The following MAGI2 variants were observed in gnomAD, a reference collection of about 807,000 sequenced individuals.
MAGI2 encodes membrane-associated guanylate kinase, WW and PDZ domain-containing protein 2.
MAGI2 carries 35 observed loss-of-function variants against 133.3 expected under a neutral mutation model. That is an observed-to-expected ratio of 0.26 (90% CI 0.20 to 0.35). MAGI2 has a LOEUF of 0.35. Ranked by LOEUF, MAGI2 falls within the 10% of genes least tolerant of loss-of-function variation. The pLI is 1.00. For synonymous variants in MAGI2, 729 were observed against 710.6 expected (o/e 1.03, Z -0.41); for missense variants, 1,636 against 1,863.4 (o/e 0.88, Z 2.25).
intron 21 of MAGI2, among the ~76,000 whole-genome samples, chr7:78,053,757 T>A (rs1052459290): frequency 1.3e-5 from 2 of 152,160 alleles, no homozygotes; most frequent in African/African-American, 4.8e-5. Flanking sequence ...TAAGGAACGA[T>A]CAGGTAGAGA....
intron 21 of MAGI2, among the ~76,000 whole-genome samples, chr7:78,032,552 C>T (rs980287546): frequency 6.6e-6 from 1 of 152,136 alleles, no homozygotes; most frequent in African/African-American, 2.4e-5. Context: ...TTGTGTTGTA[C>T]AGGTCTATGC....
chr7:78,207,042 A>AT (rs1787172030), intron 10 of MAGI2, among the ~76,000 whole-genome samples: 1 of 152,214 alleles, frequency 6.6e-6, no homozygotes. Context: ...CCACAATTAA[A>AT]TTTTTTTCAA....
intron 6 of MAGI2, among the ~76,000 whole-genome samples, chr7:78,409,572 A>C (rs527765891): frequency 1.3e-5 from 2 of 152,238 alleles, no homozygotes; most frequent in African/African-American, 4.8e-5. Context: ...TTTACTCTTG[A>C]ACAAAGACCT....
intron 9 of MAGI2, among the ~76,000 whole-genome samples, chr7:78,308,865 T>C (rs1287460648): frequency 2.6e-5 from 4 of 152,218 alleles, no homozygotes; most frequent in Non-Finnish European, 4.4e-5. Flanking sequence ...TAATACATAG[T>C]TTATCTGGTA....
intron 1 of MAGI2, among the ~76,000 whole-genome samples, chr7:79,393,062 A>T (rs573071066): frequency 3.3e-5 from 5 of 152,228 alleles, no homozygotes; most frequent in African/African-American, 1.2e-4. Context: ...TTCAGCCTTT[A>T]TTCTCCACTA....
intron 9 of MAGI2, among the ~76,000 whole-genome samples, chr7:78,293,744 A>C (rs540025283): frequency 8.5e-5 from 13 of 152,346 alleles, no homozygotes; most frequent in African/African-American, 2.9e-4. Flanking sequence ...ACCATGGAAT[A>C]CTATGCAGCC....
intron 9 of MAGI2, among the ~76,000 whole-genome samples, chr7:78,319,567 C>G (rs1787782282): frequency 6.6e-6 from 1 of 152,208 alleles, no homozygotes; most frequent in Admixed American, 6.5e-5. Context: ...TAAAGATGTT[C>G]TTTGAAACCA....
At chr7:78,785,072 C>T (rs1366610403) in intron 2 of MAGI2, among the ~76,000 whole-genome samples, 1 of 152,136 alleles carries the variant, frequency 6.6e-6, no homozygotes, top group Non-Finnish European at 1.5e-5. Context: ...GTCCTTATAA[C>T]TATATGTTCA....
intron 6 of MAGI2, among the ~76,000 whole-genome samples, chr7:78,440,280 A>G (rs995634950): frequency 1.3e-5 from 2 of 152,084 alleles, no homozygotes; most frequent in African/African-American, 2.4e-5. Flanking sequence ...TTCATTTTCC[A>G]CATTTTACAA....
chr7:78,497,928 T>A (rs1279897905), intron 5 of MAGI2, among the ~76,000 whole-genome samples: 1 of 152,152 alleles, frequency 6.6e-6, no homozygotes, highest in African/African-American at 2.4e-5. Flanking sequence ...TCTCACAATA[T>A]CTGTACAAGA....
intron 1 of MAGI2, among the ~76,000 whole-genome samples, chr7:79,145,396 G>GT (rs1164341327): frequency 7.9e-5 from 12 of 152,108 alleles, no homozygotes; most frequent in African/African-American, 2.7e-4. Flanking sequence ...TAAAATAATA[G>GT]TCTGTTGATT....
In MAGI2 at chr7:78,194,956, A is replaced by G. The variant is rs201654746; in HGVS notation, c.2187T>C (p.Pro729=). ...FPPALHRSSF[P]DSTEAFDPRK... Reference sequence around the variant, plus strand: ...GTGGGTCAAAGGCCTCTGTTGAGTCAGGAAAGGAGCTCCTGTGAAGGGCAG... The same window carrying G: ...GTGGGTCAAAGGCCTCTGTTGAGTCGGGAAAGGAGCTCCTGTGAAGGGCAG... Residue 729 remains proline, a synonymous_variant, in exon 12 of 22, where the codon CCT becomes CCC. Coordinates refer to ENST00000354212, the MANE Select transcript of MAGI2 (RefSeq NM_012301.4). 7.4e-6 allele frequency: 12 copies of G among 1,614,150 alleles called. No individual in the cohort carries two copies. The Admixed American group carries it at 1.0e-4, about 13-fold the overall frequency.
chr7:78,268,016 T>A (rs1794188143), intron 9 of MAGI2, among the ~76,000 whole-genome samples: 1 of 152,176 alleles, frequency 6.6e-6, no homozygotes, highest in South Asian at 2.1e-4. Context: ...GTACGACTAT[T>A]GAACATGTAT....
chr7:78,397,520 C>A (rs1367909070), intron 6 of MAGI2, among the ~76,000 whole-genome samples: 2 of 151,854 alleles, frequency 1.3e-5, no homozygotes, highest in South Asian at 2.1e-4. Flanking sequence ...CTGGGTTGGC[C>A]TGGAGAAGAA....
chr7:78,397,062 G>A (rs1796411045), intron 6 of MAGI2, among the ~76,000 whole-genome samples: 1 of 152,026 alleles, frequency 6.6e-6, no homozygotes, highest in South Asian at 2.1e-4. Context: ...GGTAGAAAGG[G>A]ATGGAAATGG....
At chr7:79,150,432 A>G (rs539852205) in intron 1 of MAGI2, among the ~76,000 whole-genome samples, 18 of 152,352 alleles carry the variant, frequency 1.2e-4, no homozygotes, top group African/African-American at 3.4e-4. Flanking sequence ...TCTTTTGATG[A>G]TAAAGTTAAA....
chr7:78,239,394 CA>C (rs1412404762), intron 10 of MAGI2, among the ~76,000 whole-genome samples: 6 of 152,004 alleles, frequency 3.9e-5, no homozygotes, highest in African/African-American at 1.5e-4. Context: ...GTAACAGAAG[CA>C]AAACTAGACA....
intron 1 of MAGI2, among the ~76,000 whole-genome samples, chr7:79,015,996 AGC>A (rs147655216): frequency 0.012 from 395 of 32,288 alleles, 8 homozygotes; most frequent in African/African-American, 0.036. Context: ...CTCCTGGAGA[AGC>A]GGGGGGGGGG....
At chr7:78,358,837 A>C (rs1792458144) in intron 7 of MAGI2, 1 of 176,652 alleles carries the variant, frequency 5.7e-6, no homozygotes, top group Non-Finnish European at 1.2e-5. Context: ...CAAATGACAA[A>C]TACACAGAGG....
Sources: gnomAD v4.1 joint callset for allele counts (sites outside exome capture counted in the v4.1 genomes callset) on GRCh38, gnomAD v4.1.1 for gene constraint, MANE v1.5 for transcripts, NCBI Gene and HGNC (gene_info 2026-07-23, HGNC 2026-07-21) for gene names.